Variants in CSMD1 observed in about 807,000 individuals in gnomAD.
The protein encoded by CSMD1 is CUB and Sushi multiple domains 1.
CSMD1 carries 213 observed loss-of-function variants against 417.5 expected under a neutral mutation model. The observed-to-expected ratio is 0.51, with a 90% CI of 0.46 to 0.57. The LOEUF is 0.57. CSMD1 is among the 20% of genes least tolerant of loss of function. The probability of loss-of-function intolerance (pLI) is 0.00; values close to 1 mark genes in which losing one functional copy is unlikely to be tolerated. For synonymous variants in CSMD1, 2,862 were observed against 1,736.8 expected, an observed-to-expected ratio of 1.65 and a Z score of -16.11; for missense variants, 6,923 against 4,529.7, an observed-to-expected ratio of 1.53 and a Z score of -15.17.
At chr8:4,584,258 G>C (rs11987640) in intron 2 of CSMD1, among the ~76,000 whole-genome samples, 18,025 of 151,870 alleles carry the variant, frequency 0.12, 1,216 homozygotes, top group African/African-American at 0.19. Flanking sequence ...CGACCACGAA[G>C]GGACTTTCAC....
intron 2 of CSMD1, among the ~76,000 whole-genome samples, chr8:4,515,776 A>G (rs1303874799): frequency 6.6e-6 from 1 of 152,126 alleles, no homozygotes; most frequent in Non-Finnish European, 1.5e-5. Context: ...CTGTTTTATA[A>G]ATGAGCCAAA....
chr8:3,996,558 T>A (rs1815238309), intron 5 of CSMD1, among the ~76,000 whole-genome samples: 1 of 152,188 alleles, frequency 6.6e-6, no homozygotes, highest in Non-Finnish European at 1.5e-5. Flanking sequence ...CGGCTCAGCT[T>A]TTGCTTCCAT....
chr8:3,878,187 A>G (rs946252331), intron 5 of CSMD1, among the ~76,000 whole-genome samples: 2 of 152,094 alleles, frequency 1.3e-5, no homozygotes, highest in Non-Finnish European at 2.9e-5. Flanking sequence ...AGAATTCCAA[A>G]TTTTGTAGTT....
At chr8:4,638,325 T>C (rs962065422) in intron 1 of CSMD1, among the ~76,000 whole-genome samples, 4 of 152,096 alleles carry the variant, frequency 2.6e-5, no homozygotes, top group Admixed American at 2.6e-4. Flanking sequence ...GTAATAAGAA[T>C]AGTTAGAAAA....
At position 3,927,266 on chromosome 8, in the gene CSMD1, G is replaced by C. The variant is rs112172177; in HGVS notation, c.818+70637C>G. ...AACAATTACAAATAAATATATAGCAGACATAAGCTAATAATTATTAAGGTG... is the reference window on the plus strand; with the variant it reads ...AACAATTACAAATAAATATATAGCACACATAAGCTAATAATTATTAAGGTG... On this transcript the variant is annotated intron_variant, in intron 5 of 69. Transcript: ENST00000635120. Among the ~76,000 whole-genome samples the C allele has an allele frequency of 4.6e-5, 7 of 151,900 alleles. No homozygotes were observed. In the South Asian group the frequency reaches 1.2e-3, roughly 27 times the overall value.
intron 4 of CSMD1, among the ~76,000 whole-genome samples, chr8:4,011,568 G>A (rs142614055): frequency 3.3e-5 from 5 of 152,128 alleles, no homozygotes; most frequent in Admixed American, 1.3e-4. Flanking sequence ...AGAAATCCAA[G>A]AGTCAGTTCC....
At chr8:3,500,000 TG>T (rs964054351) in intron 10 of CSMD1, among the ~76,000 whole-genome samples, 1 of 152,022 alleles carries the variant, frequency 6.6e-6, no homozygotes, top group African/African-American at 2.4e-5. Flanking sequence ...ATGAGGCCTG[TG>T]GGGGCTTTTC....
intron 3 of CSMD1, among the ~76,000 whole-genome samples, chr8:4,220,574 G>A (rs1800967941): frequency 6.6e-6 from 1 of 152,174 alleles, no homozygotes; most frequent in South Asian, 2.1e-4. Context: ...TGAAATAATT[G>A]TGGCTTTTCC....
chr8:2,953,740 A>G (rs938768970), intron 65 of CSMD1, among the ~76,000 whole-genome samples: 1 of 152,268 alleles, frequency 6.6e-6, no homozygotes, highest in African/African-American at 2.4e-5. Context: ...ACAAAAAACT[A>G]TAATTAACAT....
intron 11 of CSMD1, among the ~76,000 whole-genome samples, chr8:3,489,506 A>T (rs1278441505): frequency 6.6e-6 from 1 of 152,180 alleles, no homozygotes; most frequent in Admixed American, 6.5e-5. Context: ...TTCCTCCACA[A>T]ATCAAATTCG....
At chr8:4,463,235 A>G (rs982825592) in intron 2 of CSMD1, among the ~76,000 whole-genome samples, 1 of 152,184 alleles carries the variant, frequency 6.6e-6, no homozygotes, top group South Asian at 2.1e-4. Context: ...AGACGTACTG[A>G]GATACCAGTT....
At chr8:3,466,862 G>C (rs1044173732) in intron 12 of CSMD1, among the ~76,000 whole-genome samples, 3 of 152,136 alleles carry the variant, frequency 2.0e-5, no homozygotes, top group African/African-American at 4.8e-5. Flanking sequence ...TAGTACTCTG[G>C]AAATATGCAT....
intron 3 of CSMD1, among the ~76,000 whole-genome samples, chr8:4,131,249 G>C (rs1350720678): frequency 6.6e-6 from 1 of 152,186 alleles, no homozygotes; most frequent in African/African-American, 2.4e-5. Flanking sequence ...GCTGAGTACA[G>C]AAAGGTAGGA....
rs529573866 is a variant in CSMD1 at position 4,132,339 on chromosome 8, G to A, written c.416-100240C>T. 8.6e-4 allele frequency among the ~76,000 whole-genome samples: 130 copies of A among 151,906 alleles called. 1 individual carries two copies. Among genetic ancestry groups the A allele is most frequent in the Non-Finnish European group, 1.5e-3 (103 of 67,996 alleles). On this transcript the variant is annotated intron_variant, in intron 3 of 69. Transcript: ENST00000635120. ...GCAAGACACAAAGGAGAATATAAAT[G>A]TCCTTTTCTGTATTTCTTGTAGAAT...
At position 4,463,916 on chromosome 8, in the gene CSMD1, A is replaced by G. The variant is rs147364999; in HGVS notation, c.303-43851T>C. Among the ~76,000 whole-genome samples the G allele has an allele frequency of 5.1e-4, 78 of 152,292 alleles. 2 individuals are homozygous for G. In the East Asian group the frequency reaches 0.013, roughly 25 times the overall value. ...TGTGAATCATTTCAATATAGCTCTG[A>G]TTAAAAGAAAGCAGCAGCTCAGGAC... On this transcript the variant is annotated intron_variant, in intron 2 of 69. Coordinates refer to ENST00000635120, the MANE Select transcript of CSMD1 (RefSeq NM_033225.6).
At chr8:4,660,268 C>T (rs1442784938) in intron 1 of CSMD1, among the ~76,000 whole-genome samples, 1 of 152,032 alleles carries the variant, frequency 6.6e-6, no homozygotes, top group Non-Finnish European at 1.5e-5. Context: ...TTTATTAAGT[C>T]TGTAACATGG....
chr8:4,586,930 C>G (rs1178202602), intron 2 of CSMD1, among the ~76,000 whole-genome samples: 3 of 152,160 alleles, frequency 2.0e-5, no homozygotes, highest in Non-Finnish European at 4.4e-5. Context: ...TAAATGAGAA[C>G]TTGCATGCAT....
At chr8:4,740,755 A>C (rs570092069) in intron 1 of CSMD1, among the ~76,000 whole-genome samples, 1 of 152,260 alleles carries the variant, frequency 6.6e-6, no homozygotes, top group Non-Finnish European at 1.5e-5. Flanking sequence ...CCTGTCTCAA[A>C]ATAAATGTTC....
At chr8:3,800,917 T>TTGTTGA in intron 5 of CSMD1, among the ~76,000 whole-genome samples, 1 of 152,010 alleles carries the variant, frequency 6.6e-6, no homozygotes, top group Non-Finnish European at 1.5e-5. Context: ...GAAATAAACC[T>TTGTTGA]CTTTCTTTAT....
Sources: allele counts gnomAD v4.1 joint callset (sites outside exome capture counted in the v4.1 genomes callset), GRCh38; gene constraint gnomAD v4.1.1; transcripts MANE v1.5; gene names NCBI Gene and HGNC (gene_info 2026-07-23, HGNC 2026-07-21).